CACNB4: variants seen among roughly 807,000 people sequenced by gnomAD.
The protein encoded by CACNB4 is voltage-dependent L-type calcium channel subunit beta-4.
A neutral mutation model predicts 71.2 loss-of-function variants in CACNB4; 32 were observed. The observed-to-expected ratio is 0.45, with a 90% CI of 0.34 to 0.60. The LOEUF is 0.60. Ranked by LOEUF, CACNB4 falls within the 20% of genes least tolerant of loss-of-function variation. The pLI is 0.01. For synonymous variants in CACNB4, 231 were observed against 236.9 expected (o/e 0.97, Z 0.23); for missense variants, 464 against 647.9 (o/e 0.72, Z 3.08).
intron 2 of CACNB4, among the ~76,000 whole-genome samples, chr2:151,917,317 C>T (rs911841696): frequency 1.1e-4 from 16 of 151,984 alleles, no homozygotes; most frequent in African/African-American, 2.9e-4. Flanking sequence ...TAGTATAATC[C>T]CTATATAAGA....
At chr2:151,865,252 T>C (rs1418799698) in intron 9 of CACNB4, among the ~76,000 whole-genome samples, 1 of 152,232 alleles carries the variant, frequency 6.6e-6, no homozygotes, top group Non-Finnish European at 1.5e-5. Context: ...TATTAATAAA[T>C]ACTATCGCTT....
At position 151,870,892 on chromosome 2, in the gene CACNB4, A is replaced by G; in HGVS notation, c.599-31T>C. On this transcript the variant is annotated intron_variant, in intron 6 of 13. Coordinates refer to ENST00000539935, the MANE Select transcript of CACNB4 (RefSeq NM_000726.5). ...AGACAATAACGAGAGCCATATCAAA[A>G]TATGTAAACTCTGCAAATGACAGTA... 1.3e-6 allele frequency: 2 copies of G among 1,552,172 alleles called. 1 individual carries two copies. The highest frequency in any genetic ancestry group is 2.3e-5 in the South Asian group (2 of 86,262).
At chr2:151,844,349 T>C (rs895454667) in intron 12 of CACNB4, among the ~76,000 whole-genome samples, 14 of 152,022 alleles carry the variant, frequency 9.2e-5, no homozygotes, top group Admixed American at 7.9e-4. Flanking sequence ...GTGTGAAAAC[T>C]GAACTTACAA....
chr2:152,033,050 C>T (rs114543315), intron 2 of CACNB4, among the ~76,000 whole-genome samples: 49 of 152,342 alleles, frequency 3.2e-4, no homozygotes, highest in African/African-American at 1.1e-3. Flanking sequence ...CTAAGTGAGG[C>T]AGTGGCAGCC....
rs571889804 is a variant in CACNB4, at chr2:151,927,702, G to A, written c.148-44332C>T. 3.3e-5 allele frequency among the ~76,000 whole-genome samples: 5 copies of A among 152,352 alleles called. No homozygotes were observed. The South Asian group carries it at 1.0e-3, about 32-fold the overall frequency. ...CAGCGCAATTGCGTGCTTCACCCAA[G>A]TCTTATCCAGCTGCAGCAACGCAGG... On this transcript the variant is annotated intron_variant, in intron 2 of 13. Transcript: ENST00000539935.
intron 2 of CACNB4, among the ~76,000 whole-genome samples, chr2:151,955,046 A>G (rs866869248): frequency 3.0e-4 from 45 of 151,972 alleles, no homozygotes; most frequent in Middle Eastern, 3.4e-3. Context: ...TAGTAGAGAC[A>G]GGGTTTCACT....
chr2:152,064,476 G>A (rs1406830417), intron 2 of CACNB4, among the ~76,000 whole-genome samples: 1 of 152,166 alleles, frequency 6.6e-6, no homozygotes, highest in African/African-American at 2.4e-5. Context: ...TGCCTCCCAG[G>A]TTCAAGCGAT....
intron 2 of CACNB4, among the ~76,000 whole-genome samples, chr2:151,930,008 A>T (rs1235571661): frequency 6.6e-6 from 1 of 152,198 alleles, no homozygotes; most frequent in Non-Finnish European, 1.5e-5. Context: ...AATCATACAC[A>T]GATTTATACA....
intron 5 of CACNB4, chr2:151,872,988 A>G (rs1368712697): frequency 6.6e-6 from 1 of 152,316 alleles, no homozygotes; most frequent in Admixed American, 6.5e-5. Context: ...TGTGCTCTGG[A>G]AGCTTCCCTG....
chr2:152,057,052 T>C (rs528588668), intron 2 of CACNB4, among the ~76,000 whole-genome samples: 3 of 152,288 alleles, frequency 2.0e-5, no homozygotes, highest in African/African-American at 7.2e-5. Flanking sequence ...CATTGAGGGA[T>C]GTCACTCCCC....
At chr2:152,033,068 G>A (rs1579169014) in intron 2 of CACNB4, among the ~76,000 whole-genome samples, 1 of 152,238 alleles carries the variant, frequency 6.6e-6, no homozygotes, top group South Asian at 2.1e-4. Flanking sequence ...GCCAGGCAAG[G>A]CCCTGGAGAA....
chr2:152,035,021 T>C (rs1251790029), intron 2 of CACNB4, among the ~76,000 whole-genome samples: 2 of 152,182 alleles, frequency 1.3e-5, no homozygotes, highest in East Asian at 3.8e-4. Flanking sequence ...AAATTCCCCA[T>C]TTCCAGACCT....
At chr2:151,998,735 T>G (rs1365528348) in intron 2 of CACNB4, among the ~76,000 whole-genome samples, 1 of 152,230 alleles carries the variant, frequency 6.6e-6, no homozygotes, top group Non-Finnish European at 1.5e-5. Flanking sequence ...ATCATTGGAA[T>G]GCTGTATTCA....
chr2:151,902,930 T>A (rs2099853854), intron 2 of CACNB4, among the ~76,000 whole-genome samples: 1 of 152,210 alleles, frequency 6.6e-6, no homozygotes, highest in Non-Finnish European at 1.5e-5. Context: ...TTAAAATAAT[T>A]GCTAATAGTT....
rs6732538 is a variant in CACNB4 at position 151,947,248 on chromosome 2, G to A, written c.148-63878C>T. ...TGGGGCTATGCAGGCAACAGAAGAT[G>A]GAAAGAGAAGATGTCCAGGGCTTGC... On this transcript the variant is annotated intron_variant, in intron 2 of 13. Transcript: ENST00000539935. 8.4e-3 allele frequency among the ~76,000 whole-genome samples: 1,277 copies of A among 152,278 alleles called. 13 individuals are homozygous for A. Among genetic ancestry groups the A allele is most frequent in the African/African-American group, 0.029 (1,198 of 41,558 alleles).
chr2:151,975,827 C>T (rs1045111594), intron 2 of CACNB4, among the ~76,000 whole-genome samples: 26 of 152,290 alleles, frequency 1.7e-4, no homozygotes, highest in African/African-American at 6.0e-4. Context: ...GATCATTTCC[C>T]GACTTTACCA....
intron 6 of CACNB4, chr2:151,872,122 G>T: frequency 2.1e-5 from 6 of 292,630 alleles, no homozygotes; most frequent in South Asian, 9.8e-5. Flanking sequence ...AACTCTGTCC[G>T]TTCCTTAGGT....
At chr2:152,003,647 T>C (rs1479143733) in intron 2 of CACNB4, among the ~76,000 whole-genome samples, 3 of 152,148 alleles carry the variant, frequency 2.0e-5, no homozygotes, top group Non-Finnish European at 4.4e-5. Context: ...CCTTTCACAG[T>C]GTTCTAGAGA....
At chr2:151,964,069 GAAAA>G (rs397825547) in intron 2 of CACNB4, among the ~76,000 whole-genome samples, 1 of 99,266 alleles carries the variant, frequency 1.0e-5, no homozygotes, top group Non-Finnish European at 1.8e-5. Context: ...CTGTCTCACA[GAAAA>G]AAAAAAAAAA....
Sources: allele counts gnomAD v4.1 joint callset (sites outside exome capture counted in the v4.1 genomes callset), GRCh38; gene constraint gnomAD v4.1.1; transcripts MANE v1.5; gene names NCBI Gene and HGNC (gene_info 2026-07-23, HGNC 2026-07-21).